Variants in RECK observed in about 807,000 individuals in gnomAD.
RECK encodes reversion-inducing cysteine-rich protein with Kazal motifs.
Under a neutral mutation model 115.1 loss-of-function variants are expected in RECK, and 69 were observed. That is an observed-to-expected ratio of 0.60 (90% CI 0.49 to 0.73). The LOEUF (loss-of-function observed/expected upper bound fraction) is 0.73. RECK is among the 30% of genes least tolerant of loss of function. The probability of loss-of-function intolerance (pLI) is 0.00; values close to 1 mark genes in which losing one functional copy is unlikely to be tolerated. For missense variants in RECK, 1,047 were observed against 1,203.7 expected (o/e 0.87, Z 1.93); for synonymous variants, 414 against 419.7 (o/e 0.99, Z 0.17).
chr9:36,112,799 A>T (rs1375660173), intron 16 of RECK, among the ~76,000 whole-genome samples: 1 of 152,226 alleles, frequency 6.6e-6, no homozygotes, highest in East Asian at 1.9e-4. Flanking sequence ...TAGTGAAGGC[A>T]GACTAACAAG....
chr9:36,121,795 G>A, intron 20 of RECK, 107 bp downstream of exon 20: 1 of 1,198,900 alleles, frequency 8.3e-7, no homozygotes, highest in Non-Finnish European at 1.2e-6. Context: ...GGGTGAGGGA[G>A]TGGAGGCATT....
Position 36,097,543 on chromosome 9 carries a change from A to T in RECK, c.1086-2788A>T, listed in dbSNP as rs185122541. ...TGGAAGATAACAATTGTTAGCAAGG[A>T]TGTGGAGAAAAGGGAAGTCTTGTAC... On this transcript the variant is annotated intron_variant, in intron 10 of 20. Transcript: ENST00000377966. 1.6e-4 allele frequency among the ~76,000 whole-genome samples: 25 copies of T among 152,290 alleles called. 1 individual carries two copies. In the East Asian group the frequency reaches 4.2e-3, roughly 26 times the overall value.
intron 1 of RECK, among the ~76,000 whole-genome samples, chr9:36,037,364 C>T (rs1355099668): frequency 6.6e-6 from 1 of 151,828 alleles, no homozygotes; most frequent in Non-Finnish European, 1.5e-5. Context: ...CCCTCTTCGG[C>T]ACTGACCCCT....
chr9:36,101,970 C>A, intron 11 of RECK, 124 bp from the exon 12 acceptor site: 2 of 913,924 alleles, frequency 2.2e-6, no homozygotes, highest in Non-Finnish European at 3.2e-6. Context: ...GACTCTTGTT[C>A]TCTTTTGAAA....
chr9:36,042,175 A>G (rs762930501), intron 1 of RECK, among the ~76,000 whole-genome samples: 6 of 151,748 alleles, frequency 4.0e-5, no homozygotes, highest in Non-Finnish European at 2.9e-5. Flanking sequence ...CAGTGTACCC[A>G]ATGTGCAGTC....
At chr9:36,087,015 C>A (rs1822991253) in intron 8 of RECK, among the ~76,000 whole-genome samples, 1 of 152,052 alleles carries the variant, frequency 6.6e-6, no homozygotes, top group Non-Finnish European at 1.5e-5. Flanking sequence ...GTAATAGATA[C>A]CTTGTCCACC....
intron 10 of RECK, among the ~76,000 whole-genome samples, chr9:36,096,854 T>C (rs1823361500): frequency 6.6e-6 from 1 of 151,976 alleles, no homozygotes; most frequent in Non-Finnish European, 1.5e-5. Flanking sequence ...AAGACATCAT[T>C]TAAAACTTGA....
At chr9:36,072,448 A>T (rs943677761) in intron 6 of RECK, among the ~76,000 whole-genome samples, 1 of 152,218 alleles carries the variant, frequency 6.6e-6, no homozygotes, top group Non-Finnish European at 1.5e-5. Flanking sequence ...GTTGTGGCAG[A>T]TCACAGCCTA....
chr9:36,106,174 C>CA (rs1297330998), intron 13 of RECK, among the ~76,000 whole-genome samples: 5 of 141,068 alleles, frequency 3.5e-5, no homozygotes, highest in African/African-American at 1.4e-4. Flanking sequence ...CGCGCCACTG[C>CA]ACTCCAGCCT....
At chr9:36,054,126 C>T (rs1398275139) in intron 2 of RECK, among the ~76,000 whole-genome samples, 1 of 152,254 alleles carries the variant, frequency 6.6e-6, no homozygotes, top group African/African-American at 2.4e-5. Flanking sequence ...TCGTAGAGCT[C>T]ACTTCAAAGA....
At chr9:36,043,035 T>TG (rs1564096096) in intron 1 of RECK, among the ~76,000 whole-genome samples, 3 of 131,468 alleles carry the variant, frequency 2.3e-5, no homozygotes, top group African/African-American at 8.9e-5. Flanking sequence ...TTTTTTTTTT[T>TG]TTTTTGTTGA....
Position 36,102,328 on chromosome 9 carries a change from A to C in RECK, c.1435+98A>C, listed in dbSNP as rs886777595. 1.1e-5 allele frequency: 12 copies of C among 1,057,186 alleles called. No individual in the cohort carries two copies. In the African/African-American group the frequency reaches 1.8e-4, roughly 15 times the overall value. The allele number at this position is 1,057,186 out of a possible 1,614,324, so 65.5% of individuals were successfully genotyped here. On this transcript the variant is annotated intron_variant, in intron 12 of 20. Transcript: ENST00000377966. ...GTTTTGGATGAGCATTTATCTGTTG[A>C]GAACATGGGATTCAATGATACCATC... is the stretch of plus-strand genomic sequence containing the variant.
intron 17 of RECK, 78 bp downstream of exon 17, chr9:36,117,255 T>A: frequency 8.4e-7 from 1 of 1,185,762 alleles, no homozygotes; most frequent in Non-Finnish European, 1.2e-6. Context: ...GAATCAACAG[T>A]AAGACCAGCC....
At chr9:36,115,179 G>T (rs1824210731) in intron 16 of RECK, among the ~76,000 whole-genome samples, 1 of 152,006 alleles carries the variant, frequency 6.6e-6, no homozygotes, top group Non-Finnish European at 1.5e-5. Flanking sequence ...GCTGGGCGTG[G>T]TGGCACACGC....
intron 2 of RECK, among the ~76,000 whole-genome samples, chr9:36,053,600 TTGA>T (rs1282920969): frequency 1.3e-5 from 2 of 152,172 alleles, no homozygotes; most frequent in Non-Finnish European, 2.9e-5. Context: ...AAATGGCCCC[TTGA>T]TGATATCATA....
intron 16 of RECK, among the ~76,000 whole-genome samples, chr9:36,113,680 C>A (rs1488151787): frequency 1.3e-5 from 2 of 152,098 alleles, no homozygotes; most frequent in Non-Finnish European, 1.5e-5. Context: ...TGGTAACAGA[C>A]AAATGACACA....
chr9:36,037,750 T>A (rs934801960), intron 1 of RECK, among the ~76,000 whole-genome samples: 3 of 151,924 alleles, frequency 2.0e-5, no homozygotes, highest in African/African-American at 7.3e-5. Flanking sequence ...GCCGACTCCT[T>A]CCGTCCAAAA....
chr9:36,100,453 A>T lies in RECK; in HGVS notation c.1208A>T (p.Lys403Ile), dbSNP rs1250765462. Residue 403 changes from lysine to isoleucine, a missense_variant, in exon 11 of 21, where the codon AAA becomes ATA. Lys to Ile is a moderately radical substitution (Grantham distance 102). Coordinates refer to ENST00000377966, the MANE Select transcript of RECK (RefSeq NM_021111.3). The part of the protein sequence containing the change: ...PFINIPVLDI[K>I]KCQPEMWKAI... ...ATCAATATACCTGTTCTTGATATTA[A>T]AAAGTGCCAGCCAGAGATGTGGAAA... 5 of 1,614,004 alleles carry T rather than the reference A, an allele frequency of 3.1e-6. No individual in the cohort carries two copies. In the East Asian group the frequency reaches 1.1e-4, roughly 36 times the overall value.
At chr9:36,106,831 G>A (rs1415873254) in intron 13 of RECK, among the ~76,000 whole-genome samples, 4 of 151,728 alleles carry the variant, frequency 2.6e-5, no homozygotes, top group African/African-American at 7.2e-5. Context: ...GGGGCCGGGC[G>A]CAGTGGCTCA....
Sources: gnomAD v4.1 joint callset for allele counts (sites outside exome capture counted in the v4.1 genomes callset) on GRCh38, gnomAD v4.1.1 for gene constraint, MANE v1.5 for transcripts, NCBI Gene and HGNC (gene_info 2026-07-23, HGNC 2026-07-21) for gene names.